Variants in PSD4 observed in about 807,000 individuals in gnomAD.
PSD4 encodes the protein PH and SEC7 domain-containing protein 4.
Under a neutral mutation model 112.5 loss-of-function variants are expected in PSD4, and 59 were observed. That is an observed-to-expected ratio of 0.52 (90% CI 0.43 to 0.65). PSD4 has a LOEUF of 0.65. PSD4 is among the 30% of genes least tolerant of loss of function. The pLI, the probability that PSD4 is intolerant of heterozygous loss-of-function variation, is 0.00. For missense variants in PSD4, 1,267 were observed against 1,352.6 expected (o/e 0.94, Z 0.99); for synonymous variants, 533 against 540.0 (o/e 0.99, Z 0.18).
At chr2:113,177,452 G>A (rs1356203793) in intron 1 of PSD4, among the ~76,000 whole-genome samples, 2 of 152,290 alleles carry the variant, frequency 1.3e-5, no homozygotes, top group East Asian at 3.9e-4. Flanking sequence ...ACAGGAGTTT[G>A]AGTGACTCAA....
At position 113,186,268 on chromosome 2, in the gene PSD4, C is replaced by T; in HGVS notation, c.1628+13C>T. On this transcript the variant is annotated intron_variant, in intron 5 of 16. Coordinates refer to ENST00000245796, the MANE Select transcript of PSD4 (RefSeq NM_012455.3). ...CTTCTGCAGAACAGTAAGTCTCAGA[C>T]TAACTGGCTCTCATGCTCCTAATTA... 6.4e-7 allele frequency: 1 copy of T among 1,551,640 alleles called. No homozygotes were observed.
Position 113,197,815 on chromosome 2 carries a change from G to T in PSD4, c.2526G>T (p.Val842=). Residue 842 remains valine, a synonymous_variant, in exon 14 of 17, where the codon GTG becomes GTT. Coordinates refer to ENST00000245796, the MANE Select transcript of PSD4 (RefSeq NM_012455.3). The part of the protein sequence containing the change: ...VGQMVDEPVG[V]HHSLATPATH... ...AGATGGTGGATGAGCCCGTGGGGGT[G>T]CACCACTCGCTGGCCACCCCCGCCA... 6.2e-7 allele frequency: 1 copy of T among 1,611,066 alleles called. No individual in the cohort carries two copies. The highest frequency in any genetic ancestry group is 1.8e-4 in the Middle Eastern group (1 of 5,614).
At chr2:113,197,434 T>C (rs1416443428) in intron 12 of PSD4, 130 bp from the exon 13 acceptor site, 2 of 902,396 alleles carry the variant, frequency 2.2e-6, no homozygotes, top group Non-Finnish European at 3.6e-6. Context: ...TGTTCTGCAT[T>C]TGTGTGCATC....
intron 12 of PSD4, 193 bp downstream of exon 12, chr2:113,196,500 A>T: frequency 1.5e-6 from 1 of 647,038 alleles, no homozygotes; most frequent in Non-Finnish European, 2.5e-6. Flanking sequence ...GAGGGTAGGT[A>T]GGAGAACCCA....
At chr2:113,195,014 C>T (rs1026341290) in intron 10 of PSD4, among the ~76,000 whole-genome samples, 1 of 152,222 alleles carries the variant, frequency 6.6e-6, no homozygotes, top group African/African-American at 2.4e-5. Context: ...ATTTACTGCA[C>T]ATTTATTGTG....
chr2:113,182,552 C>T lies in PSD4; in HGVS notation c.96C>T (p.Cys32=), dbSNP rs1688167238. 1 of 1,614,092 alleles carries T rather than the reference C, an allele frequency of 6.2e-7. No homozygotes were observed. The highest frequency in any genetic ancestry group is 1.7e-5 in the Admixed American group (1 of 60,000). Residue 32 remains cysteine (C), a synonymous_variant, in exon 2 of 17, where the codon TGC becomes TGT. Coordinates refer to ENST00000245796, the MANE Select transcript of PSD4 (RefSeq NM_012455.3). The part of the protein sequence containing the change: ...GDSLEPHPGE[C]PRETCSHEDP... Reference sequence around the variant, plus strand: ...GCCTGGAGCCCCACCCAGGAGAGTGCCCAAGGGAAACGTGCAGCCATGAGG... The same window carrying T: ...GCCTGGAGCCCCACCCAGGAGAGTGTCCAAGGGAAACGTGCAGCCATGAGG...
In PSD4 at chr2:113,182,765, T is replaced by C. The variant is rs1688180198; in HGVS notation, c.309T>C (p.Asp103=). The C allele has an allele frequency of 1.3e-6, 2 of 1,593,438 alleles. No individual in the cohort carries two copies. Among genetic ancestry groups the C allele is most frequent in the Non-Finnish European group, 1.7e-6 (2 of 1,168,116 alleles). Residue 103 remains aspartate (D), a synonymous_variant, in exon 2 of 17, where the codon GAT becomes GAC. Coordinates refer to ENST00000245796, the MANE Select transcript of PSD4 (RefSeq NM_012455.3). ...ATDPPESTRQ[D]APPWGSGVEL... Reference sequence around the variant, plus strand: ...ACCCTCCTGAATCTACCAGACAAGATGCTCCTCCCTGGGGCTCCGGTGTGG... The same window carrying C: ...ACCCTCCTGAATCTACCAGACAAGACGCTCCTCCCTGGGGCTCCGGTGTGG...
At chr2:113,197,088 G>A (rs1028236064) in intron 12 of PSD4, 1 of 217,958 alleles carries the variant, frequency 4.6e-6, no homozygotes, top group African/African-American at 2.3e-5. Flanking sequence ...GAGAGGTAGG[G>A]GGAAAAGAGG....
rs147862836 is a variant in PSD4 at position 113,193,520 on chromosome 2, G to A, written c.2033-72G>A. On this transcript the variant is annotated intron_variant, in intron 8 of 16. Transcript: ENST00000245796. ...TCCAGGGGTTATTCGGTTACCCCACGCAGTGTGGGCAGAGGAAACAGGAGC... is the reference window on the plus strand; with the variant it reads ...TCCAGGGGTTATTCGGTTACCCCACACAGTGTGGGCAGAGGAAACAGGAGC... 105 of 1,526,042 alleles carry A rather than the reference G, an allele frequency of 6.9e-5. No homozygotes were observed. The Admixed American group carries it at 8.5e-4, about 12-fold the overall frequency. 94.5% of individuals were successfully genotyped at this position (1,526,042 alleles called of 1,614,324 possible). A position where few individuals can be genotyped will look rare whatever the true frequency, so the allele number is the denominator to read the frequency against.
chr2:113,197,496 C>T (rs781587504), intron 12 of PSD4, 68 bp from the exon 13 acceptor site: 16 of 1,547,836 alleles, frequency 1.0e-5, no homozygotes, highest in African/African-American at 2.7e-5. Flanking sequence ...TGCACACTTG[C>T]GTGTGTCTGA....
intron 1 of PSD4, among the ~76,000 whole-genome samples, chr2:113,175,612 C>G (rs989119868): frequency 2.6e-5 from 4 of 152,138 alleles, no homozygotes; most frequent in African/African-American, 7.2e-5. Context: ...CGGCCAGAAG[C>G]CTTCATACCT....
intron 5 of PSD4, among the ~76,000 whole-genome samples, chr2:113,187,033 C>G (rs1002288466): frequency 9.9e-5 from 15 of 152,208 alleles, no homozygotes; most frequent in Non-Finnish European, 2.2e-4. Flanking sequence ...CAAGGGTTCC[C>G]CGAGCTCAGC....
chr2:113,185,285 C>T (rs1226012041), intron 3 of PSD4, 80 bp from the exon 4 acceptor site: 2 of 1,585,300 alleles, frequency 1.3e-6, no homozygotes, highest in Non-Finnish European at 1.7e-6. Flanking sequence ...CTCCTTTCCC[C>T]TTCTCCCTGC....
intron 10 of PSD4, among the ~76,000 whole-genome samples, chr2:113,195,454 G>T (rs1313856350): frequency 6.6e-6 from 1 of 152,160 alleles, no homozygotes; most frequent in East Asian, 1.9e-4. Flanking sequence ...GAGCCACTGT[G>T]CCTGGCAGGT....
intron 5 of PSD4, among the ~76,000 whole-genome samples, chr2:113,191,102 T>A (rs1364436950): frequency 6.6e-6 from 1 of 152,188 alleles, no homozygotes; most frequent in Non-Finnish European, 1.5e-5. Context: ...AGTTTCCAGA[T>A]GCATAAGGAA....
chr2:113,199,017 G>C, intron 15 of PSD4, 66 bp from the exon 16 acceptor site: 2 of 1,508,864 alleles, frequency 1.3e-6, no homozygotes, highest in Non-Finnish European at 1.8e-6. Context: ...GGGGCGGCGC[G>C]CCCGGGCCCG....
In PSD4 at chr2:113,196,240, C is replaced by T. The variant is rs1688607012; in HGVS notation, c.2319C>T (p.Pro773=). ...SKPFLQLAQD[P]TVPTYKQGIL... Reference sequence around the variant, plus strand: ...CCTTCCTTCAGCTGGCTCAGGATCCCACAGTGCCCACCTACAAGCAGGGCA... The same window carrying T: ...CCTTCCTTCAGCTGGCTCAGGATCCTACAGTGCCCACCTACAAGCAGGGCA... The change falls in exon 12 of 17, where the codon CCC becomes CCT. Residue 773 remains proline (P), a synonymous_variant. Transcript: ENST00000245796. 2 of 1,613,996 alleles carry T rather than the reference C, an allele frequency of 1.2e-6. No homozygotes were observed. Among genetic ancestry groups the T allele is most frequent in the Non-Finnish European group, 8.5e-7 (1 of 1,179,972 alleles).
Position 113,186,958 on chromosome 2 carries a change from T to C in PSD4, c.1628+703T>C, listed in dbSNP as rs116520282. Among the ~76,000 whole-genome samples, 488 of 152,320 alleles carry C rather than the reference T, an allele frequency of 3.2e-3. 3 individuals carry two copies. The highest frequency in any genetic ancestry group is 5.3e-3 in the Non-Finnish European group (362 of 68,016). On this transcript the variant is annotated intron_variant, in intron 5 of 16. Coordinates refer to ENST00000245796, the MANE Select transcript of PSD4 (RefSeq NM_012455.3). ...TGAATGTGAGTCATGTTAATGGGAC[T>C]AGCAGGAACCAGCAGTGGTTCATGT... is the stretch of plus-strand genomic sequence containing the variant.
At chr2:113,174,815 C>T (rs929800966) in intron 1 of PSD4, among the ~76,000 whole-genome samples, 1 of 152,170 alleles carries the variant, frequency 6.6e-6, no homozygotes, top group Non-Finnish European at 1.5e-5. Context: ...GGAAAGTCCC[C>T]TGACACTGCC....
Sources: allele counts gnomAD v4.1 joint callset (sites outside exome capture counted in the v4.1 genomes callset), GRCh38; gene constraint gnomAD v4.1.1; transcripts MANE v1.5; gene names NCBI Gene and HGNC (gene_info 2026-07-23, HGNC 2026-07-21).